The following MRAS variants were observed in gnomAD, a reference collection of about 807,000 sequenced individuals.
MRAS encodes muscle RAS oncogene homolog, also known as ras-related protein M-Ras.
Under a neutral mutation model 20.9 loss-of-function variants are expected in MRAS, and 4 were observed. The observed-to-expected ratio is 0.19, with a 90% CI of 0.09 to 0.44. The LOEUF (loss-of-function observed/expected upper bound fraction) is 0.44, where lower values mean the gene tolerates loss of function less well. Ranked by LOEUF, MRAS falls within the 20% of genes least tolerant of loss-of-function variation. The pLI is 0.99. For missense variants in MRAS, 154 were observed against 277.5 expected (o/e 0.56, Z 3.16); for synonymous variants, 98 against 102.9 (o/e 0.95, Z 0.29).
chr3:138,377,671 G>A (rs150565242), intron 2 of MRAS, among the ~76,000 whole-genome samples: 266 of 152,280 alleles, frequency 1.7e-3, no homozygotes, highest in African/African-American at 6.2e-3. Flanking sequence ...TGCCATCTTC[G>A]GGGAGGTGCT....
chr3:138,352,340 G>A (rs906301030), intron 1 of MRAS, among the ~76,000 whole-genome samples: 31 of 152,184 alleles, frequency 2.0e-4, no homozygotes, highest in Admixed American at 1.8e-3. Context: ...CCAGCACTGA[G>A]CCCCTAGGGC....
intron 2 of MRAS, among the ~76,000 whole-genome samples, chr3:138,394,463 A>G (rs1310167249): frequency 2.0e-5 from 3 of 152,168 alleles, no homozygotes; most frequent in Non-Finnish European, 2.9e-5. Flanking sequence ...TTTCTTGGGT[A>G]CTGTGTAAAG....
At chr3:138,384,701 C>G (rs988404720) in intron 2 of MRAS, among the ~76,000 whole-genome samples, 1 of 152,068 alleles carries the variant, frequency 6.6e-6, no homozygotes, top group African/African-American at 2.4e-5. Flanking sequence ...ACCTGTAAAG[C>G]TGCAGGATGA....
chr3:138,367,615 C>T (rs575713222), intron 1 of MRAS, among the ~76,000 whole-genome samples: 161 of 152,340 alleles, frequency 1.1e-3, no homozygotes, highest in African/African-American at 3.2e-3. Flanking sequence ...TGACCCCCTG[C>T]TTCTTAGCAC....
At chr3:138,377,973 C>A (rs1400170055) in intron 2 of MRAS, among the ~76,000 whole-genome samples, 2 of 152,238 alleles carry the variant, frequency 1.3e-5, no homozygotes, top group African/African-American at 4.8e-5. Context: ...AAAAGTTTCA[C>A]ACAACCAGCA....
chr3:138,385,502 ATATTTATT>A (rs544140854), intron 2 of MRAS, among the ~76,000 whole-genome samples: 16 of 149,532 alleles, frequency 1.1e-4, no homozygotes, highest in African/African-American at 3.2e-4. Flanking sequence ...TAAAATATAT[ATATTTATT>A]TATTTATTTA....
chr3:138,379,848 G>A (rs1576367403), intron 2 of MRAS, among the ~76,000 whole-genome samples: 1 of 152,136 alleles, frequency 6.6e-6, no homozygotes, highest in East Asian at 1.9e-4. Context: ...ATACTCAGCA[G>A]TAGGATTGCT....
At chr3:138,356,990 A>G (rs1046513818) in intron 1 of MRAS, among the ~76,000 whole-genome samples, 18 of 152,198 alleles carry the variant, frequency 1.2e-4, no homozygotes, top group African/African-American at 4.3e-4. Context: ...TTTTAGGAGG[A>G]AATCAAAATA....
intron 2 of MRAS, among the ~76,000 whole-genome samples, chr3:138,388,761 A>G (rs2055068624): frequency 6.6e-6 from 1 of 152,202 alleles, no homozygotes; most frequent in Non-Finnish European, 1.5e-5. Context: ...CCTTAGAGGC[A>G]TATTATCTCT....
intron 1 of MRAS, among the ~76,000 whole-genome samples, chr3:138,354,927 T>C (rs2054299742): frequency 6.6e-6 from 1 of 152,042 alleles, no homozygotes. Context: ...ACTATAGGCA[T>C]GTGCCACCAT....
At chr3:138,355,329 T>C (rs2054309370) in intron 1 of MRAS, among the ~76,000 whole-genome samples, 1 of 152,212 alleles carries the variant, frequency 6.6e-6, no homozygotes, top group Middle Eastern at 3.2e-3. Context: ...CCCAACTGTT[T>C]GCAGCCTTCT....
At chr3:138,377,472 G>C (rs1438378665) in intron 2 of MRAS, among the ~76,000 whole-genome samples, 1 of 152,210 alleles carries the variant, frequency 6.6e-6, no homozygotes, top group East Asian at 1.9e-4. Flanking sequence ...GCCAGGCCTG[G>C]TGGCGCCTGT....
intron 1 of MRAS, among the ~76,000 whole-genome samples, chr3:138,355,916 A>G (rs1391829319): frequency 1.3e-5 from 2 of 152,196 alleles, no homozygotes; most frequent in Non-Finnish European, 2.9e-5. Flanking sequence ...GGCGACAGAG[A>G]GACTCTGTCT....
chr3:138,400,287 T>G (rs2055332324), intron 4 of MRAS: 1 of 440,664 alleles, frequency 2.3e-6, no homozygotes, highest in African/African-American at 2.0e-5. Flanking sequence ...TTTATTCTAT[T>G]TTTAGGGAGC....
chr3:138,361,376 T>G (rs2108503730), intron 1 of MRAS, among the ~76,000 whole-genome samples: 1 of 152,220 alleles, frequency 6.6e-6, no homozygotes, highest in South Asian at 2.1e-4. Context: ...GGAGTGATAA[T>G]GCTGGAGTGG....
chr3:138,399,059 C>T (rs906665479), intron 4 of MRAS, among the ~76,000 whole-genome samples: 19 of 152,226 alleles, frequency 1.2e-4, no homozygotes, highest in African/African-American at 2.7e-4. Context: ...CTGCCATGGC[C>T]GGATTTGGTG....
intron 2 of MRAS, among the ~76,000 whole-genome samples, chr3:138,376,791 G>A (rs535158212): frequency 6.6e-6 from 1 of 152,336 alleles, no homozygotes; most frequent in East Asian, 1.9e-4. Context: ...TATTAGAGGT[G>A]TAGTGATAGG....
In MRAS at chr3:138,403,403, C is replaced by T. The variant is rs376950407; in HGVS notation, c.*1134C>T. 2.6e-5 allele frequency: 4 copies of T among 152,290 alleles called. No individual in the cohort carries two copies. The highest frequency in any genetic ancestry group is 9.6e-5 in the African/African-American group (4 of 41,454). 9.4% of individuals were successfully genotyped at this position (152,290 alleles called of 1,614,324 possible). ...ACTAAAACAGCACCAAGACCTGAAG[C>T]CATCTTCCCTTGGAGTCAACTGACT... is the stretch of plus-strand genomic sequence containing the variant. On this transcript the variant is annotated 3_prime_UTR_variant, in exon 6 of 6. Transcript: ENST00000423968.
intron 1 of MRAS, among the ~76,000 whole-genome samples, chr3:138,362,677 A>G (rs2054473848): frequency 1.3e-5 from 2 of 152,116 alleles, no homozygotes; most frequent in African/African-American, 2.4e-5. Context: ...GGGGGCCTCC[A>G]GCACATGTGA....
Sources: allele counts gnomAD v4.1 joint callset (sites outside exome capture counted in the v4.1 genomes callset), GRCh38; gene constraint gnomAD v4.1.1; transcripts MANE v1.5; gene names NCBI Gene and HGNC (gene_info 2026-07-23, HGNC 2026-07-21).